The following HCN1 variants were observed in gnomAD, a reference collection of about 807,000 sequenced individuals.
HCN1 encodes the protein potassium/sodium hyperpolarization-activated cyclic nucleotide-gated channel 1.
HCN1 carries 13 observed loss-of-function variants against 78.9 expected under a neutral mutation model. That is an observed-to-expected ratio of 0.16 (90% CI 0.11 to 0.26). The LOEUF is 0.26. Ranked by LOEUF, HCN1 falls within the 10% of genes least tolerant of loss-of-function variation. The pLI, the probability that HCN1 is intolerant of heterozygous loss-of-function variation, is 1.00. For missense variants in HCN1, 810 were observed against 1,154.3 expected, an observed-to-expected ratio of 0.70 and a Z score of 4.32; for synonymous variants, 552 against 455.5, an observed-to-expected ratio of 1.21 and a Z score of -2.70.
chr5:45,353,567 A>AT (rs1217481092), intron 4 of HCN1, among the ~76,000 whole-genome samples: 7 of 152,066 alleles, frequency 4.6e-5, no homozygotes, highest in South Asian at 2.1e-4. Flanking sequence ...ATGTTATGCT[A>AT]TTTTTTTAAA....
intron 6 of HCN1, among the ~76,000 whole-genome samples, chr5:45,283,188 C>G (rs1168816849): frequency 6.6e-6 from 1 of 152,102 alleles, no homozygotes; most frequent in Non-Finnish European, 1.5e-5. Context: ...CTTTATTATA[C>G]TTGGGAAACC....
intron 1 of HCN1, among the ~76,000 whole-genome samples, chr5:45,671,999 C>A (rs910736362): frequency 1.3e-5 from 2 of 151,446 alleles, no homozygotes; most frequent in Non-Finnish European, 3.0e-5. Context: ...TTTTGAAATT[C>A]TTTCTTTCCT....
chr5:45,362,094 A>G (rs1454909958), intron 4 of HCN1, among the ~76,000 whole-genome samples: 1 of 151,624 alleles, frequency 6.6e-6, no homozygotes, highest in Non-Finnish European at 1.5e-5. Flanking sequence ...AAAATCCTTT[A>G]GTTTTCCTGC....
intron 4 of HCN1, among the ~76,000 whole-genome samples, chr5:45,367,015 A>T (rs1172996857): frequency 6.6e-6 from 1 of 151,786 alleles, no homozygotes; most frequent in Non-Finnish European, 1.5e-5. Context: ...AACATAAATC[A>T]ATTTGAATTT....
At chr5:45,383,681 C>T (rs979184167) in intron 4 of HCN1, among the ~76,000 whole-genome samples, 47 of 151,570 alleles carry the variant, frequency 3.1e-4, no homozygotes, top group African/African-American at 1.1e-3. Context: ...ATCGTGCTCA[C>T]CACTGCACTC....
chr5:45,680,297 T>C (rs963781989), intron 1 of HCN1, among the ~76,000 whole-genome samples: 5 of 152,154 alleles, frequency 3.3e-5, no homozygotes, highest in African/African-American at 1.2e-4. Context: ...ATCACAACAG[T>C]GTAACAATGA....
intron 2 of HCN1, among the ~76,000 whole-genome samples, chr5:45,641,011 G>C (rs987692553): frequency 1.2e-4 from 18 of 152,098 alleles, no homozygotes; most frequent in Admixed American, 5.2e-4. Context: ...GGTGAGACCA[G>C]GGAACAATGT....
At chr5:45,632,229 C>T (rs1745280777) in intron 2 of HCN1, among the ~76,000 whole-genome samples, 1 of 151,872 alleles carries the variant, frequency 6.6e-6, no homozygotes, top group African/African-American at 2.4e-5. Flanking sequence ...GAATTTATAG[C>T]AGCCTGAGTC....
At chr5:45,340,316 C>G (rs986311265) in intron 5 of HCN1, among the ~76,000 whole-genome samples, 3 of 152,106 alleles carry the variant, frequency 2.0e-5, no homozygotes, top group Non-Finnish European at 4.4e-5. Context: ...AGAATACTTC[C>G]CATTTAAGGG....
intron 3 of HCN1, among the ~76,000 whole-genome samples, chr5:45,459,423 A>C (rs1290110161): frequency 6.6e-6 from 1 of 151,412 alleles, no homozygotes; most frequent in Middle Eastern, 3.4e-3. Flanking sequence ...AAAGCCAAGA[A>C]GTGAATTGCA....
At chr5:45,447,711 T>G (rs1478882514) in intron 3 of HCN1, among the ~76,000 whole-genome samples, 1 of 152,162 alleles carries the variant, frequency 6.6e-6, no homozygotes, top group Non-Finnish European at 1.5e-5. Context: ...AGTTCTATAG[T>G]GTGTTAGTCC....
intron 4 of HCN1, among the ~76,000 whole-genome samples, chr5:45,368,473 C>T (rs1290489316): frequency 1.3e-5 from 2 of 151,870 alleles, no homozygotes; most frequent in Non-Finnish European, 2.9e-5. Flanking sequence ...TATTCTAGTG[C>T]ACTATTTCTC....
intron 2 of HCN1, among the ~76,000 whole-genome samples, chr5:45,488,553 C>A (rs13358718): frequency 0.25 from 37,967 of 151,840 alleles, 4,914 homozygotes; most frequent in East Asian, 0.32. Context: ...AAAAGATATA[C>A]GGCATTTTCG....
At chr5:45,627,109 TA>T (rs1028169499) in intron 2 of HCN1, among the ~76,000 whole-genome samples, 1 of 152,102 alleles carries the variant, frequency 6.6e-6, no homozygotes, top group Non-Finnish European at 1.5e-5. Flanking sequence ...TGATGCCAAA[TA>T]AGATGACTAT....
intron 2 of HCN1, among the ~76,000 whole-genome samples, chr5:45,482,628 T>C (rs1044238348): frequency 2.0e-5 from 3 of 152,178 alleles, no homozygotes; most frequent in Non-Finnish European, 4.4e-5. Context: ...TCAACTTTTG[T>C]TTTAGATACA....
At chr5:45,291,408 T>A (rs921592066) in intron 6 of HCN1, among the ~76,000 whole-genome samples, 3 of 152,042 alleles carry the variant, frequency 2.0e-5, no homozygotes, top group Non-Finnish European at 4.4e-5. Flanking sequence ...CCTATCTCTC[T>A]GGTTTAGCAA....
chr5:45,429,698 G>A (rs1313818011), intron 3 of HCN1, among the ~76,000 whole-genome samples: 2 of 152,252 alleles, frequency 1.3e-5, no homozygotes, highest in Non-Finnish European at 2.9e-5. Flanking sequence ...AAAGTGTCTG[G>A]GCAAAGAGCT....
At chr5:45,430,506 ATTG>A (rs1740440678) in intron 3 of HCN1, among the ~76,000 whole-genome samples, 1 of 150,026 alleles carries the variant, frequency 6.7e-6, no homozygotes, top group African/African-American at 2.5e-5. Flanking sequence ...ATGTGTTCTT[ATTG>A]TTTAGTTCCC....
chr5:45,672,115 T>C (rs1430531482), intron 1 of HCN1, among the ~76,000 whole-genome samples: 1 of 151,534 alleles, frequency 6.6e-6, no homozygotes, highest in Non-Finnish European at 1.5e-5. Flanking sequence ...CATGTATAAA[T>C]TGATTTGACT....
Sources: allele counts gnomAD v4.1 joint callset (sites outside exome capture counted in the v4.1 genomes callset), GRCh38; gene constraint gnomAD v4.1.1; transcripts MANE v1.5; gene names NCBI Gene and HGNC (gene_info 2026-07-23, HGNC 2026-07-21).